NDRG2: variants seen among roughly 807,000 people sequenced by gnomAD.
The protein encoded by NDRG2 is NDRG family member 2, also known as protein NDRG2.
A neutral mutation model predicts 58.2 loss-of-function variants in NDRG2; 34 were observed. That is an observed-to-expected ratio of 0.58 (90% confidence interval 0.44 to 0.78). The LOEUF (loss-of-function observed/expected upper bound fraction) is 0.78, where lower values mean the gene tolerates loss of function less well. Among genes scored for constraint, NDRG2 ranks in the 30% least tolerant of loss-of-function variants. NDRG2 has a pLI of 0.00. For synonymous variants in NDRG2, 187 were observed against 175.9 expected, an observed-to-expected ratio of 1.06 and a Z score of -0.50; for missense variants, 434 against 471.2, an observed-to-expected ratio of 0.92 and a Z score of 0.73.
rs556680810 is a variant in NDRG2 at position 21,021,109 on chromosome 14, C to A, written c.408-265G>T. ...AAACAAACACCCATCCACCAGCCAA[C>A]CAACACACTGTTTTCCCATATAGAT... is the stretch of plus-strand genomic sequence containing the variant. On this transcript the variant is annotated intron_variant, in intron 6 of 15. Coordinates refer to ENST00000556147, the MANE Select transcript of NDRG2 (RefSeq NM_001320329.2). The A allele has an allele frequency of 2.2e-5, 14 of 622,836 alleles. No individual in the cohort carries two copies. In the East Asian group the frequency reaches 4.7e-4, roughly 21 times the overall value. 38.6% of individuals were successfully genotyped at this position (622,836 alleles called of 1,614,324 possible).
chr14:21,025,616 G>A (rs974684965), upstream of NDRG2: 3 of 985,408 alleles, frequency 3.0e-6, no homozygotes, highest in African/African-American at 1.7e-5. The surrounding 1 kb of genome is among the most constrained non-coding windows in gnomAD (Gnocchi z 5.1). Context: ...GCCGAAAGGG[G>A]GCACGGGGGA....
Position 21,070,805 on chromosome 14 carries a change from C to G in NDRG2, c.24+23G>C. Reference sequence around the variant, plus strand: ...TGCAGCGACCCTGGAAGAGGCCCGGCCCCTCGGGTCATGAGAACTGACCTG... The same window carrying G: ...TGCAGCGACCCTGGAAGAGGCCCGGGCCCTCGGGTCATGAGAACTGACCTG... On this transcript the variant is annotated intron_variant, in intron 1 of 14. Transcript: ENST00000403829. The surrounding 1 kb of genome is among the most constrained non-coding windows in gnomAD (Gnocchi z 4.7). 1.3e-6 allele frequency: 2 copies of G among 1,535,614 alleles called. No individual in the cohort carries two copies. Among genetic ancestry groups the G allele is most frequent in the East Asian group, 4.9e-5 (2 of 40,874 alleles).
intron 1 of NDRG2, among the ~76,000 whole-genome samples, chr14:21,048,049 A>T (rs1012650575): frequency 1.3e-5 from 2 of 152,068 alleles, no homozygotes. Context: ...GCACCAAAAA[A>T]CATACCAGTA....
intron 1 of NDRG2, among the ~76,000 whole-genome samples, chr14:21,053,810 G>GAA (rs540565887): frequency 1.4e-5 from 2 of 146,676 alleles, no homozygotes; most frequent in Non-Finnish European, 3.0e-5. Context: ...CCTTAAAAAA[G>GAA]AAAAAAAAAA....
intron 1 of NDRG2, chr14:21,034,201 T>C: frequency 6.2e-7 from 1 of 1,614,132 alleles, no homozygotes; most frequent in Non-Finnish European, 8.5e-7. Context: ...TAGAAGTTCC[T>C]GCTGCCAATC....
intron 1 of NDRG2, among the ~76,000 whole-genome samples, chr14:21,059,047 G>A (rs964343976): frequency 1.2e-4 from 18 of 152,228 alleles, no homozygotes; most frequent in African/African-American, 3.9e-4. Flanking sequence ...CCCCTTGAGG[G>A]CTCTCTGGTG....
At chr14:21,032,967 G>A (rs767378309) in intron 1 of NDRG2, 8 of 455,980 alleles carry the variant, frequency 1.8e-5, no homozygotes, top group South Asian at 3.1e-5. Context: ...ATTTATGTTC[G>A]ATTAGAGCCG....
At chr14:21,019,200 A>G (rs1402283176) in intron 10 of NDRG2, 40 bp from the exon 11 acceptor site, 1 of 1,559,020 alleles carries the variant, frequency 6.4e-7, no homozygotes, top group Non-Finnish European at 8.8e-7. Context: ...TAGGTGGGCA[A>G]TGCTATCTAA....
At chr14:21,033,010 G>C (rs1381846678) in intron 1 of NDRG2, 1 of 454,822 alleles carries the variant, frequency 2.2e-6, no homozygotes. Context: ...GTCAGGGGCA[G>C]ACTCTGGAGT....
At chr14:21,043,764 A>G in intron 1 of NDRG2, 1 of 304,240 alleles carries the variant, frequency 3.3e-6, no homozygotes, top group South Asian at 8.8e-5. Flanking sequence ...GGGCAGCATG[A>G]CAAGGAGAGG....
chr14:21,019,172 TTAAA>T lies in NDRG2; in HGVS notation c.717-16_717-13del. On this transcript the variant is annotated splice_polypyrimidine_tract_variant and intron_variant, in intron 10 of 15. Transcript: ENST00000556147. The stretch of plus-strand genomic sequence containing the variant: ...TCAGGTCTCGGCGGCTAGAAAGGGG[TTAAA>T]AGAGTAGGAATTTTAGGTGGGCAAT... The T allele has an allele frequency of 6.2e-7, 1 of 1,609,130 alleles. No individual in the cohort carries two copies. Among genetic ancestry groups the T allele is most frequent in the Non-Finnish European group, 8.5e-7 (1 of 1,178,508 alleles).
intron 1 of NDRG2, among the ~76,000 whole-genome samples, chr14:21,063,831 G>A (rs1331444505): frequency 6.6e-6 from 1 of 152,146 alleles, no homozygotes; most frequent in East Asian, 1.9e-4. Flanking sequence ...TTCTTTAAAA[G>A]CTCTCTCATT....
intron 1 of NDRG2, among the ~76,000 whole-genome samples, chr14:21,061,114 T>A (rs1885935597): frequency 6.6e-6 from 1 of 152,156 alleles, no homozygotes; most frequent in South Asian, 2.1e-4. Flanking sequence ...AGAAACCAAA[T>A]GGATTCTGTA....
intron 1 of NDRG2, among the ~76,000 whole-genome samples, chr14:21,068,906 A>G (rs1339513220): frequency 1.3e-5 from 2 of 152,224 alleles, no homozygotes; most frequent in Non-Finnish European, 2.9e-5. Flanking sequence ...GAGGTGAGAG[A>G]AGAGCAAGTC....
rs576632776 is a variant in NDRG2, at chr14:21,020,686, C to T, written c.468+98G>A. On this transcript the variant is annotated intron_variant, in intron 7 of 15. Transcript: ENST00000556147. ...GACTCCCACAGGGCCTGACTCCCCA[C>T]CTAGTGCCCACTTCCTCCCCCAAAC... The T allele has an allele frequency of 3.2e-6, 5 of 1,579,388 alleles. No individual in the cohort carries two copies. The South Asian group carries it at 4.4e-5, about 14-fold the overall frequency.
At chr14:21,029,990 A>T (rs1005862430), upstream of NDRG2, among the ~76,000 whole-genome samples, 6 of 152,214 alleles carry the variant, frequency 3.9e-5, no homozygotes, top group African/African-American at 1.2e-4. Context: ...GGCAGAGCAT[A>T]AGGCAATTTG....
rs142986028 is a variant in NDRG2 at position 21,039,657 on chromosome 14, C to T, written c.25-16336G>A. Among the ~76,000 whole-genome samples the T allele has an allele frequency of 2.0e-4, 31 of 152,316 alleles. No individual in the cohort carries two copies. In the East Asian group the frequency reaches 5.0e-3, roughly 25 times the overall value. On this transcript the variant is annotated intron_variant, in intron 1 of 14. Transcript: ENST00000403829. ...TTGGGCACACAAACAAAATCACCTC[C>T]CTTATCCAAATAATTGAGGCAAAAC...
chr14:21,033,424 G>C (rs980261923), intron 1 of NDRG2: 25 of 291,746 alleles, frequency 8.6e-5, no homozygotes, highest in African/African-American at 5.5e-4. Context: ...GGCTGGTGGG[G>C]ATGGGGAGGT....
At position 21,024,300 on chromosome 14, in the gene NDRG2, T is replaced by A; in HGVS notation, c.-277A>T. 1 of 985,368 alleles carries A rather than the reference T, an allele frequency of 1.0e-6. No individual in the cohort carries two copies. The highest frequency in any genetic ancestry group is 1.2e-6 in the Non-Finnish European group (1 of 829,992). 61.0% of individuals were successfully genotyped at this position (985,368 alleles called of 1,614,324 possible). A position where few individuals can be genotyped will look rare whatever the true frequency, so the allele number is the denominator to read the frequency against. On this transcript the variant is annotated 5_prime_UTR_variant, in exon 1 of 16. The change abolishes an upstream ATG in the 5' untranslated region. Coordinates refer to ENST00000556147, the MANE Select transcript of NDRG2 (RefSeq NM_001320329.2). ...GGAATCAATATAGGCTACAAGGGCA[T>A]CAGTTCAGGCTGCGCGGAGGAGAGA...
Sources: gnomAD v4.1 joint callset for allele counts (sites outside exome capture counted in the v4.1 genomes callset) on GRCh38, gnomAD v4.1.1 for gene constraint, Gnocchi (gnomAD v3.1) non-coding constraint, MANE v1.5 for transcripts, NCBI Gene and HGNC (gene_info 2026-07-23, HGNC 2026-07-21) for gene names.